Variants in IGSF11 observed in about 807,000 individuals in gnomAD.
IGSF11 encodes the protein immunoglobulin superfamily member 11, also known as CXADR like 1.
IGSF11 carries 22 observed loss-of-function variants against 41.0 expected under a neutral mutation model. The ratio of observed to expected loss-of-function variants is 0.54; its 90% confidence interval spans 0.38 to 0.77. The LOEUF (loss-of-function observed/expected upper bound fraction) is 0.77, where lower values mean the gene tolerates loss of function less well. Among genes scored for constraint, IGSF11 ranks in the 30% least tolerant of loss-of-function variants. The pLI is 0.00. For missense variants in IGSF11, 444 were observed against 530.8 expected, an observed-to-expected ratio of 0.84 and a Z score of 1.61; for synonymous variants, 219 against 201.3, an observed-to-expected ratio of 1.09 and a Z score of -0.74.
At chr3:118,917,440 A>T (rs1446296105) in intron 4 of IGSF11, among the ~76,000 whole-genome samples, 1 of 147,812 alleles carries the variant, frequency 6.8e-6, no homozygotes, top group Non-Finnish European at 1.5e-5. Flanking sequence ...CACCGATCCC[A>T]CAGAAATACA....
At chr3:119,048,964 C>G (rs1354077471) in intron 1 of IGSF11, among the ~76,000 whole-genome samples, 1 of 152,108 alleles carries the variant, frequency 6.6e-6, no homozygotes, top group Non-Finnish European at 1.5e-5. Flanking sequence ...ATGGTAAAAA[C>G]TCTCAATAAA....
chr3:118,978,317 C>T (rs1298684520), intron 1 of IGSF11, among the ~76,000 whole-genome samples: 1 of 152,184 alleles, frequency 6.6e-6, no homozygotes, highest in Non-Finnish European at 1.5e-5. Flanking sequence ...GTCACAGCCA[C>T]TGCCAACACT....
rs78898697 is a variant in IGSF11 at position 119,120,699 on chromosome 3, T to C, written c.-13-15494A>G. Among the ~76,000 whole-genome samples the C allele has an allele frequency of 9.8e-3, 1,491 of 152,316 alleles. 19 individuals carry two copies. The highest frequency in any genetic ancestry group is 0.034 in the African/African-American group (1,394 of 41,562). On this transcript the variant is annotated intron_variant, in intron 1 of 7. Transcript: ENST00000425327. ...GTGGCTTCTACCTGGTGGGTCACCATGATACCTGTACAGGTTTTACCTGAA... is the reference window on the plus strand; with the variant it reads ...GTGGCTTCTACCTGGTGGGTCACCACGATACCTGTACAGGTTTTACCTGAA...
chr3:119,010,786 C>T (rs1464843177), intron 1 of IGSF11, among the ~76,000 whole-genome samples: 1 of 152,148 alleles, frequency 6.6e-6, no homozygotes, highest in Non-Finnish European at 1.5e-5. Flanking sequence ...TAATGGTTTC[C>T]TTTCTCTGGA....
chr3:118,927,179 G>T (rs560743116), intron 3 of IGSF11, among the ~76,000 whole-genome samples: 23 of 152,188 alleles, frequency 1.5e-4, no homozygotes, highest in Non-Finnish European at 2.5e-4. Context: ...ACTGCGGTGG[G>T]GCAAACTAAT....
intron 1 of IGSF11, among the ~76,000 whole-genome samples, chr3:119,060,573 A>G (rs1165867390): frequency 6.6e-6 from 1 of 152,170 alleles, no homozygotes; most frequent in Non-Finnish European, 1.5e-5. Flanking sequence ...CCTCACAACA[A>G]TGCTGTGATA....
At chr3:119,043,709 C>A (rs531532877) in intron 1 of IGSF11, among the ~76,000 whole-genome samples, 1 of 152,242 alleles carries the variant, frequency 6.6e-6, no homozygotes, top group East Asian at 1.9e-4. Flanking sequence ...GGCTGGGAGA[C>A]CTAAAGATGG....
intron 1 of IGSF11, among the ~76,000 whole-genome samples, chr3:118,995,563 C>G (rs1475781573): frequency 6.6e-6 from 1 of 152,156 alleles, no homozygotes; most frequent in Non-Finnish European, 1.5e-5. Context: ...ACAAAAACAA[C>G]TGACAGAATT....
chr3:119,081,456 C>G (rs1344300451), intron 1 of IGSF11, among the ~76,000 whole-genome samples: 2 of 152,156 alleles, frequency 1.3e-5, no homozygotes, highest in African/African-American at 4.8e-5. Context: ...CCTACCAGTT[C>G]CAAAGGTGAC....
At chr3:119,116,246 G>T (rs908233727) in intron 1 of IGSF11, among the ~76,000 whole-genome samples, 11 of 152,096 alleles carry the variant, frequency 7.2e-5, no homozygotes, top group Non-Finnish European at 1.5e-5. Flanking sequence ...GAAGATGAAG[G>T]AATATGCTCT....
At chr3:119,052,341 G>T (rs908470623) in intron 1 of IGSF11, among the ~76,000 whole-genome samples, 1 of 151,700 alleles carries the variant, frequency 6.6e-6, no homozygotes. Flanking sequence ...TTATCCAGGT[G>T]TGGTGGTGTG....
chr3:118,912,992 T>C (rs927077945), intron 4 of IGSF11, among the ~76,000 whole-genome samples: 51 of 151,664 alleles, frequency 3.4e-4, no homozygotes, highest in African/African-American at 1.2e-3. Context: ...AGAACGAGAC[T>C]CCATCTCTTA....
At chr3:119,051,316 G>A (rs1335435091) in intron 1 of IGSF11, among the ~76,000 whole-genome samples, 2 of 151,900 alleles carry the variant, frequency 1.3e-5, no homozygotes, top group African/African-American at 4.8e-5. Flanking sequence ...GTAAGCAGGA[G>A]TAGCTGTTCT....
intron 1 of IGSF11, among the ~76,000 whole-genome samples, chr3:118,972,653 T>C (rs1477543153): frequency 6.6e-6 from 1 of 152,204 alleles, no homozygotes; most frequent in Non-Finnish European, 1.5e-5. Context: ...TAGATCCTCG[T>C]TATTCGGGGC....
chr3:119,133,349 G>A (rs542078532), intron 1 of IGSF11, among the ~76,000 whole-genome samples: 60 of 151,676 alleles, frequency 4.0e-4, no homozygotes, highest in African/African-American at 1.3e-3. Context: ...AAAGAGAGAA[G>A]AATCAAATAG....
intron 1 of IGSF11, among the ~76,000 whole-genome samples, chr3:119,112,264 C>T (rs952797727): frequency 6.6e-6 from 1 of 152,194 alleles, no homozygotes; most frequent in Non-Finnish European, 1.5e-5. Flanking sequence ...GAGCTTCCCG[C>T]CTGCTTTGTT....
At chr3:119,129,923 T>A (rs927221480) in intron 1 of IGSF11, among the ~76,000 whole-genome samples, 3 of 152,096 alleles carry the variant, frequency 2.0e-5, no homozygotes, top group African/African-American at 7.2e-5. Flanking sequence ...AGGTCGACGC[T>A]GCAGTAAGCC....
intron 1 of IGSF11, among the ~76,000 whole-genome samples, chr3:119,062,615 C>G (rs1374788462): frequency 6.6e-6 from 1 of 152,178 alleles, no homozygotes; most frequent in South Asian, 2.1e-4. Flanking sequence ...TTCCAGAAGT[C>G]CTGTTGCTGA....
chr3:119,097,068 T>C (rs1404875728), intron 1 of IGSF11, among the ~76,000 whole-genome samples: 2 of 152,176 alleles, frequency 1.3e-5, no homozygotes, highest in Non-Finnish European at 2.9e-5. Flanking sequence ...TAATCCAGGA[T>C]AATCTCCTAT....
Sources: gnomAD v4.1 joint callset for allele counts (sites outside exome capture counted in the v4.1 genomes callset) on GRCh38, gnomAD v4.1.1 for gene constraint, MANE v1.5 for transcripts, NCBI Gene and HGNC (gene_info 2026-07-23, HGNC 2026-07-21) for gene names.